ATP2B2: variants seen among roughly 807,000 people sequenced by gnomAD.
ATP2B2 encodes plasma membrane calcium-transporting ATPase 2.
A neutral mutation model predicts 120.0 loss-of-function variants in ATP2B2; 15 were observed. That is an observed-to-expected ratio of 0.12 (90% CI 0.08 to 0.19). The LOEUF is 0.19. Ranked by LOEUF, ATP2B2 falls within the 10% of genes least tolerant of loss-of-function variation. ATP2B2 has a pLI of 1.00. For missense variants in ATP2B2, 1,045 were observed against 1,719.8 expected (o/e 0.61, Z 6.94); for synonymous variants, 694 against 700.3 (o/e 0.99, Z 0.14).
chr3:10,346,044 A>G lies in ATP2B2; in HGVS notation c.2498T>C (p.Val833Ala). ...NDGPALKKAD[V>A]GFAMGIAGTD... The stretch of plus-strand genomic sequence containing the variant: ...GGCCGTTCCTACCATGGCGAAGCCC[A>G]CGTCGGCCTTCTTGAGTGCAGGCCC... Residue 833 changes from valine to alanine, a missense_variant, in exon 17 of 23, where the codon GTG becomes GCG. This residue lies in a region of ATP2B2 where 98 missense variants were observed against 266.7 expected (regional missense o/e 0.37). Transcript: ENST00000360273. The surrounding 1 kb of genome is among the most constrained non-coding windows in gnomAD (Gnocchi z 4.1). 6.2e-7 allele frequency: 1 copy of G among 1,611,818 alleles called. No individual in the cohort carries two copies. The highest frequency in any genetic ancestry group is 8.5e-7 in the Non-Finnish European group (1 of 1,179,948).
intron 1 of ATP2B2, among the ~76,000 whole-genome samples, chr3:10,454,089 A>G (rs948482617): frequency 6.6e-6 from 1 of 152,048 alleles, no homozygotes; most frequent in African/African-American, 2.4e-5. Flanking sequence ...CCATTCAATG[A>G]TTGTGTTTTG....
intron 12 of ATP2B2, among the ~76,000 whole-genome samples, chr3:10,367,988 C>T (rs1460631916): frequency 1.3e-5 from 2 of 152,152 alleles, no homozygotes; most frequent in Admixed American, 1.3e-4. Context: ...CCTGGTCTGT[C>T]GGACTTTAGA....
chr3:10,625,223 G>C (rs1249628797), intron 1 of ATP2B2, among the ~76,000 whole-genome samples: 1 of 152,198 alleles, frequency 6.6e-6, no homozygotes, highest in African/African-American at 2.4e-5. Context: ...TTAAGGCATT[G>C]GCCTAGCTAA....
At chr3:10,336,994 G>A (rs968574325) in intron 22 of ATP2B2, among the ~76,000 whole-genome samples, 1 of 152,206 alleles carries the variant, frequency 6.6e-6, no homozygotes, top group Non-Finnish European at 1.5e-5. Context: ...CAGGAGGTGG[G>A]GGCAGGCTGG....
At chr3:10,388,537 T>G in intron 5 of ATP2B2, 135 bp from the exon 6 acceptor site, 2 of 1,320,838 alleles carry the variant, frequency 1.5e-6, no homozygotes, top group Non-Finnish European at 2.2e-6. Context: ...ATGGTTAAGA[T>G]TCACACTGTG....
chr3:10,401,233 G>A (rs917306927), intron 4 of ATP2B2, among the ~76,000 whole-genome samples, 155 bp from the exon 5 acceptor site: 11 of 152,254 alleles, frequency 7.2e-5, no homozygotes, highest in Admixed American at 7.2e-4. Flanking sequence ...GCCCATAGAA[G>A]GCCCATGTAC....
chr3:10,581,816 A>G (rs1559470067), intron 2 of ATP2B2, among the ~76,000 whole-genome samples: 1 of 152,214 alleles, frequency 6.6e-6, no homozygotes, highest in Non-Finnish European at 1.5e-5. Flanking sequence ...GGGGAGCATC[A>G]TGGGCTTGTG....
chr3:10,416,584 C>T (rs1286910162), intron 2 of ATP2B2, among the ~76,000 whole-genome samples: 1 of 152,218 alleles, frequency 6.6e-6, no homozygotes, highest in Non-Finnish European at 1.5e-5. Flanking sequence ...GTTTGAGAGC[C>T]GTCTGACAAA....
intron 1 of ATP2B2, among the ~76,000 whole-genome samples, chr3:10,450,651 T>A (rs1190599204): frequency 6.6e-6 from 1 of 151,488 alleles, no homozygotes; most frequent in African/African-American, 2.4e-5. Flanking sequence ...TGAGTTCAGG[T>A]CCATGGAGCC....
At chr3:10,666,946 T>C (rs1233731942) in intron 1 of ATP2B2, among the ~76,000 whole-genome samples, 1 of 152,246 alleles carries the variant, frequency 6.6e-6, no homozygotes, top group African/African-American at 2.4e-5. Flanking sequence ...CTTCCCACTT[T>C]AGTGGAGTTA....
chr3:10,440,269 C>A (rs1285717906), intron 2 of ATP2B2, among the ~76,000 whole-genome samples: 1 of 152,128 alleles, frequency 6.6e-6, no homozygotes, highest in Non-Finnish European at 1.5e-5. Context: ...ATTTCCCCAA[C>A]CTTCGGTTTC....
chr3:10,571,566 G>A (rs2068128459), intron 2 of ATP2B2, among the ~76,000 whole-genome samples: 1 of 152,232 alleles, frequency 6.6e-6, no homozygotes, highest in Non-Finnish European at 1.5e-5. Context: ...AGAGTTGGGG[G>A]CCTAGAAGGA....
At chr3:10,414,725 G>A (rs1247398414) in intron 2 of ATP2B2, among the ~76,000 whole-genome samples, 3 of 152,190 alleles carry the variant, frequency 2.0e-5, no homozygotes, top group Non-Finnish European at 2.9e-5. Flanking sequence ...GGGACAGGGC[G>A]ATGTGGCTGG....
At chr3:10,494,373 T>C (rs1393142290) in intron 1 of ATP2B2, among the ~76,000 whole-genome samples, 4 of 152,166 alleles carry the variant, frequency 2.6e-5, no homozygotes, top group African/African-American at 9.7e-5. Context: ...TTGCCCATTT[T>C]ACAGACGAGG....
At chr3:10,349,724 C>A (rs2125407841) in intron 16 of ATP2B2, among the ~76,000 whole-genome samples, 1 of 152,102 alleles carries the variant, frequency 6.6e-6, no homozygotes, top group South Asian at 2.1e-4. Context: ...CAACAAGCAG[C>A]AGTAAGGACT....
In ATP2B2 at chr3:10,633,272, T is replaced by C. The variant is rs185726780; in HGVS notation, c.-459-13311A>G. Among the ~76,000 whole-genome samples the C allele has an allele frequency of 5.0e-4, 76 of 152,298 alleles. 1 individual carries two copies. Among genetic ancestry groups the C allele is most frequent in the Middle Eastern group, 3.4e-3 (1 of 294 alleles). On this transcript the variant is annotated intron_variant, in intron 1 of 21. Coordinates refer to the ATP2B2 transcript ENST00000646379. ...TAACACATATGAGTGCTTCCATGAA[T>C]GCTATTTCTCCCACCCTGCCTCCGC...
At chr3:10,548,576 A>G (rs766641579) in intron 2 of ATP2B2, among the ~76,000 whole-genome samples, 1 of 152,222 alleles carries the variant, frequency 6.6e-6, no homozygotes, top group Non-Finnish European at 1.5e-5. Context: ...TCAGCTGGGA[A>G]AACCATGAGC....
At chr3:10,599,917 TCTTTGAGAAGAAGAC>T (rs1340499729) in intron 2 of ATP2B2, among the ~76,000 whole-genome samples, 13 of 152,266 alleles carry the variant, frequency 8.5e-5, no homozygotes, top group African/African-American at 2.9e-4. Context: ...CTGGAGGGCT[TCTTTGAGAAGAAGAC>T]ATTTGAGATA....
rs1021993446 is a variant in ATP2B2 at position 10,471,938 on chromosome 3, G to A, written c.-319-22076C>T. ...TACTAAAAATACAAAAAAATTAGCC[G>A]GGTGTGGTGGCGGGCGCCTGTAGTC... is the stretch of plus-strand genomic sequence containing the variant. On this transcript the variant is annotated intron_variant, in intron 1 of 22. Coordinates refer to ENST00000360273, the MANE Select transcript of ATP2B2 (RefSeq NM_001001331.4). Among the ~76,000 whole-genome samples, 31 of 151,970 alleles carry A rather than the reference G, an allele frequency of 2.0e-4. No homozygotes were observed. In the South Asian group the frequency reaches 2.3e-3, roughly 11 times the overall value.
Sources: gnomAD v4.1 joint callset for allele counts (sites outside exome capture counted in the v4.1 genomes callset) on GRCh38, gnomAD v4.1.1 for gene constraint, gnomAD v4.1.1 regional missense constraint, Gnocchi (gnomAD v3.1) non-coding constraint, MANE v1.5 for transcripts, NCBI Gene and HGNC (gene_info 2026-07-23, HGNC 2026-07-21) for gene names.